The following CCSER1 variants were observed in gnomAD, a reference collection of about 807,000 sequenced individuals.
The protein encoded by CCSER1 is serine-rich coiled-coil domain-containing protein 1.
A neutral mutation model predicts 82.0 loss-of-function variants in CCSER1; 41 were observed. That is an observed-to-expected ratio of 0.50 (90% confidence interval 0.39 to 0.65). The LOEUF (loss-of-function observed/expected upper bound fraction) is 0.65. Ranked by LOEUF, CCSER1 falls within the 30% of genes least tolerant of loss-of-function variation. CCSER1 has a pLI of 0.00. For missense variants in CCSER1, 1,119 were observed against 1,064.2 expected, an observed-to-expected ratio of 1.05 and a Z score of -0.72; for synonymous variants, 414 against 383.9, an observed-to-expected ratio of 1.08 and a Z score of -0.92.
At chr4:90,646,161 GA>G (rs552690268) in intron 6 of CCSER1, among the ~76,000 whole-genome samples, 28 of 152,100 alleles carry the variant, frequency 1.8e-4, no homozygotes, top group Admixed American at 5.2e-4. Context: ...TGATTTTGGG[GA>G]AAAAAATCAG....
chr4:90,184,832 T>C (rs1049252846), intron 1 of CCSER1, among the ~76,000 whole-genome samples: 5 of 152,012 alleles, frequency 3.3e-5, no homozygotes, highest in Non-Finnish European at 7.4e-5. Context: ...AATGCAACTT[T>C]CCATACCTAA....
intron 4 of CCSER1, among the ~76,000 whole-genome samples, chr4:90,426,663 A>C (rs1159468390): frequency 6.6e-6 from 1 of 152,228 alleles, no homozygotes; most frequent in African/African-American, 2.4e-5. Flanking sequence ...AATAGAAACA[A>C]AATACAGCTT....
At chr4:90,904,632 C>T (rs1043360299) in intron 8 of CCSER1, among the ~76,000 whole-genome samples, 9 of 152,048 alleles carry the variant, frequency 5.9e-5, no homozygotes, top group African/African-American at 1.7e-4. Context: ...GTAAAGTTCC[C>T]GGGAAAGTAT....
chr4:90,733,266 G>A (rs1382881213), intron 7 of CCSER1, among the ~76,000 whole-genome samples: 1 of 152,080 alleles, frequency 6.6e-6, no homozygotes, highest in African/African-American at 2.4e-5. Context: ...GTTTTGATTT[G>A]CATTTCTCTG....
rs187161805 is a variant in CCSER1, at chr4:90,568,130, C to G, written c.1725-59895C>G. ...AACATGATCTGTCCTGGAGAATGTT[C>G]CAGGTGCAGTTGAGAATAATATGTA... On this transcript the variant is annotated intron_variant, in intron 5 of 10. Transcript: ENST00000509176. 8.5e-5 allele frequency among the ~76,000 whole-genome samples: 13 copies of G among 152,220 alleles called. No individual in the cohort carries two copies. In the East Asian group the frequency reaches 2.5e-3, roughly 29 times the overall value.
At chr4:91,353,528 T>C (rs7663744) in intron 10 of CCSER1, among the ~76,000 whole-genome samples, 56,998 of 152,108 alleles carry the variant, frequency 0.37, 11,187 homozygotes, top group East Asian at 0.75. Flanking sequence ...TTCCTTGTTG[T>C]TTTTTCTTAA....
Position 91,162,636 on chromosome 4 carries a change from A to C in CCSER1, c.2217+76642A>C, listed in dbSNP as rs183084939. Reference sequence around the variant, plus strand: ...TGTTACTGGTCTATTCAGATATTCAACTTCTTCCTGGTTTAGTCTTGGGAG... The same window carrying C: ...TGTTACTGGTCTATTCAGATATTCACCTTCTTCCTGGTTTAGTCTTGGGAG... On this transcript the variant is annotated intron_variant, in intron 10 of 10. Transcript: ENST00000509176. Among the ~76,000 whole-genome samples, 1,135 of 152,258 alleles carry C rather than the reference A, an allele frequency of 7.5e-3. 49 individuals carry two copies. Among genetic ancestry groups the C allele is most frequent in the Admixed American group, 0.066 (1,014 of 15,268 alleles).
chr4:90,852,375 A>G lies in CCSER1; in HGVS notation c.2094+36530A>G, dbSNP rs75923146. Reference sequence around the variant, plus strand: ...TGAGGAATGGTGTTTATGTCAATATATCTTGGAAGGGACACTCTTCTACGA... The same window carrying G: ...TGAGGAATGGTGTTTATGTCAATATGTCTTGGAAGGGACACTCTTCTACGA... On this transcript the variant is annotated intron_variant, in intron 8 of 10. Transcript: ENST00000509176. Among the ~76,000 whole-genome samples the G allele has an allele frequency of 7.8e-3, 1,186 of 152,314 alleles. 19 individuals are homozygous for G. The highest frequency in any genetic ancestry group is 0.027 in the African/African-American group (1,139 of 41,556).
chr4:90,616,166 T>G (rs1721153109), intron 5 of CCSER1, among the ~76,000 whole-genome samples: 1 of 152,208 alleles, frequency 6.6e-6, no homozygotes, highest in African/African-American at 2.4e-5. Flanking sequence ...ACACAAACTT[T>G]TATATGTGCT....
intron 7 of CCSER1, among the ~76,000 whole-genome samples, chr4:90,786,480 T>C (rs1359480211): frequency 6.7e-6 from 1 of 148,434 alleles, no homozygotes; most frequent in Non-Finnish European, 1.5e-5. Context: ...CCTTTAATAC[T>C]GTAATCATTT....
intron 9 of CCSER1, among the ~76,000 whole-genome samples, chr4:91,021,205 T>G (rs749201088): frequency 6.6e-6 from 1 of 152,172 alleles, no homozygotes; most frequent in Admixed American, 6.5e-5. Context: ...GTCTCTTTCT[T>G]CCTTCCTTTC....
At chr4:90,444,928 T>C (rs1245768876) in intron 4 of CCSER1, among the ~76,000 whole-genome samples, 1 of 152,052 alleles carries the variant, frequency 6.6e-6, no homozygotes, top group African/African-American at 2.4e-5. Context: ...ACATTTATTA[T>C]ATTGGAATCT....
chr4:90,521,557 GGC>G (rs1197347012), intron 5 of CCSER1, among the ~76,000 whole-genome samples: 1 of 152,044 alleles, frequency 6.6e-6, no homozygotes, highest in Non-Finnish European at 1.5e-5. Context: ...ATGTATGAAT[GGC>G]TCATAGCAAG....
At chr4:91,431,362 C>T (rs555596520) in intron 10 of CCSER1, among the ~76,000 whole-genome samples, 1 of 152,234 alleles carries the variant, frequency 6.6e-6, no homozygotes, top group African/African-American at 2.4e-5. Flanking sequence ...CTATTTTTTC[C>T]CAGCTACCCA....
At position 90,999,259 on chromosome 4, in the gene CCSER1, G is replaced by A. The variant is rs79661141; in HGVS notation, c.2172+75812G>A. ...TGGATATACATCCAGTAATGGGAGT[G>A]TTGGGTTGAATGGTAGTTCTATTTT... is the stretch of plus-strand genomic sequence containing the variant. On this transcript the variant is annotated intron_variant, in intron 9 of 10. Transcript: ENST00000509176. Among the ~76,000 whole-genome samples, 471 of 152,308 alleles carry A rather than the reference G, an allele frequency of 3.1e-3. 1 individual carries two copies. The highest frequency in any genetic ancestry group is 5.2e-3 in the Admixed American group (79 of 15,306).
chr4:90,869,204 T>C (rs961631875), intron 8 of CCSER1, among the ~76,000 whole-genome samples: 1 of 152,068 alleles, frequency 6.6e-6, no homozygotes, highest in African/African-American at 2.4e-5. Context: ...TTTAGCATGA[T>C]GCGATCCCAT....
At chr4:90,772,869 C>G (rs1321316925) in intron 7 of CCSER1, among the ~76,000 whole-genome samples, 1 of 152,052 alleles carries the variant, frequency 6.6e-6, no homozygotes, top group African/African-American at 2.4e-5. Context: ...TTTTTATATC[C>G]TATTTTACTC....
chr4:91,285,809 T>C (rs1743232726), intron 10 of CCSER1, among the ~76,000 whole-genome samples: 1 of 151,842 alleles, frequency 6.6e-6, no homozygotes, highest in Non-Finnish European at 1.5e-5. Flanking sequence ...GTATTTGTAA[T>C]TGTGGTGCTT....
chr4:90,979,562 T>C (rs1284182814), intron 9 of CCSER1, among the ~76,000 whole-genome samples: 1 of 151,810 alleles, frequency 6.6e-6, no homozygotes, highest in Non-Finnish European at 1.5e-5. Context: ...TAAGGACTTC[T>C]GGTAGTTATT....
Sources: gnomAD v4.1 joint callset for allele counts (sites outside exome capture counted in the v4.1 genomes callset) on GRCh38, gnomAD v4.1.1 for gene constraint, MANE v1.5 for transcripts, NCBI Gene and HGNC (gene_info 2026-07-23, HGNC 2026-07-21) for gene names.